The following ZNF618 variants were observed in gnomAD, a reference collection of about 807,000 sequenced individuals.
ZNF618 encodes the protein zinc finger protein 618, also known as neural precursor cell expressed, developmentally down-regulated 10.
ZNF618 carries 34 observed loss-of-function variants against 103.0 expected under a neutral mutation model. That is an observed-to-expected ratio of 0.33 (90% CI 0.25 to 0.44). The LOEUF is 0.44. Among genes scored for constraint, ZNF618 ranks in the 20% least tolerant of loss-of-function variants. The pLI, the probability that ZNF618 is intolerant of heterozygous loss-of-function variation, is 1.00. For synonymous variants in ZNF618, 551 were observed against 542.2 expected (o/e 1.02, Z -0.23); for missense variants, 1,059 against 1,295.4 (o/e 0.82, Z 2.80).
At chr9:113,935,645 C>T (rs1464697573) in intron 1 of ZNF618, among the ~76,000 whole-genome samples, 4 of 152,160 alleles carry the variant, frequency 2.6e-5, no homozygotes, top group Non-Finnish European at 5.9e-5. Context: ...GTGAAGCCTC[C>T]TTACCTCTAC....
At chr9:113,931,196 C>T (rs1833550862) in intron 1 of ZNF618, among the ~76,000 whole-genome samples, 2 of 152,184 alleles carry the variant, frequency 1.3e-5, no homozygotes, top group South Asian at 4.1e-4. Flanking sequence ...GCCAAGGAGC[C>T]ACCTTCTGTC....
Position 113,915,259 on chromosome 9 carries a change from C to T in ZNF618, c.33+38846C>T, listed in dbSNP as rs1003584046. The stretch of plus-strand genomic sequence containing the variant: ...CCAGGTGTCACTCAAAGCTTCTGCC[C>T]TGCCTGTCGTATGGTGGACCTCAGC... On this transcript the variant is annotated intron_variant, in intron 1 of 14. Transcript: ENST00000374126. Among the ~76,000 whole-genome samples the T allele has an allele frequency of 2.6e-5, 4 of 152,184 alleles. No individual in the cohort carries two copies. The South Asian group carries it at 8.3e-4, about 32-fold the overall frequency.
chr9:114,022,471 A>G (rs969300363), intron 10 of ZNF618, among the ~76,000 whole-genome samples: 2 of 151,928 alleles, frequency 1.3e-5, no homozygotes, highest in Non-Finnish European at 2.9e-5. Context: ...TTTTGTTGCT[A>G]TTGACTTCTA....
At chr9:113,998,381 T>C (rs1290581012) in intron 4 of ZNF618, 27 bp downstream of exon 4, 2 of 1,541,686 alleles carry the variant, frequency 1.3e-6, no homozygotes, top group Non-Finnish European at 1.8e-6. Flanking sequence ...GGGTAGTGCC[T>C]GATCCGGGGC....
intron 3 of ZNF618, among the ~76,000 whole-genome samples, chr9:113,995,804 TG>T (rs1434312149): frequency 6.6e-6 from 1 of 152,136 alleles, no homozygotes; most frequent in African/African-American, 2.4e-5. Context: ...ACACCAGTAT[TG>T]TAGGGTCACC....
chr9:113,923,833 T>G (rs1439193241), intron 1 of ZNF618, among the ~76,000 whole-genome samples: 1 of 152,088 alleles, frequency 6.6e-6, no homozygotes, highest in Admixed American at 6.5e-5. Flanking sequence ...GATTTCAGAC[T>G]TCTTTTCAGA....
chr9:113,984,206 T>C (rs1310750251), intron 2 of ZNF618, among the ~76,000 whole-genome samples: 1 of 151,986 alleles, frequency 6.6e-6, no homozygotes, highest in African/African-American at 2.4e-5. Flanking sequence ...TCAAGATGAG[T>C]TCATTAGGAC....
rs1386720437 is a variant in ZNF618 at position 114,056,302 on chromosome 9, T to G, written c.*6135T>G. 1 of 152,202 alleles carries G rather than the reference T, an allele frequency of 6.6e-6. No individual in the cohort carries two copies. Among genetic ancestry groups the G allele is most frequent in the Non-Finnish European group, 1.5e-5 (1 of 68,038 alleles). The allele number at this position is 152,202 out of a possible 1,614,324, so 9.4% of individuals were successfully genotyped here. Reference sequence around the variant, plus strand: ...AGAAAAAAAGATTTTTACAAAGTAATAAAATTTAAAACTGAGCTGTTTAAT... The same window carrying G: ...AGAAAAAAAGATTTTTACAAAGTAAGAAAATTTAAAACTGAGCTGTTTAAT... On this transcript the variant is annotated 3_prime_UTR_variant, in exon 15 of 15. Coordinates refer to ENST00000374126, the MANE Select transcript of ZNF618 (RefSeq NM_001318042.2).
Position 113,889,350 on chromosome 9 carries a change from T to TCTCTCTCTCTCTCTCTCC in ZNF618, c.33+12940_33+12941insTCTCTCTCTCTCTCCCTC, listed in dbSNP as rs1191014933. The stretch of plus-strand genomic sequence containing the variant: ...CTCTCTCTCTCTCTCTCTCTCTTTC[T>TCTCTCTCTCTCTCTCTCC]CTCCCTCCCTCTCCATGTGTGGTCT... On this transcript the variant is annotated intron_variant, in intron 1 of 14. Transcript: ENST00000374126. Among the ~76,000 whole-genome samples the TCTCTCTCTCTCTCTCTCC allele has an allele frequency of 5.4e-5, 8 of 148,350 alleles. No individual in the cohort carries two copies. The East Asian group carries it at 7.2e-4, about 13-fold the overall frequency.
intron 1 of ZNF618, among the ~76,000 whole-genome samples, chr9:113,964,983 TTTTTGC>T (rs1837244703): frequency 6.6e-6 from 1 of 150,676 alleles, no homozygotes; most frequent in Non-Finnish European, 1.5e-5. Context: ...TTTTTTTTTT[TTTTTGC>T]TTCATTCTGA....
chr9:114,029,508 G>C (rs577029074), intron 11 of ZNF618, among the ~76,000 whole-genome samples: 1 of 152,234 alleles, frequency 6.6e-6, no homozygotes, highest in East Asian at 1.9e-4. Flanking sequence ...CCATGTGGCA[G>C]GTGTCATTTC....
intron 1 of ZNF618, among the ~76,000 whole-genome samples, chr9:113,931,872 T>C (rs970449387): frequency 6.6e-6 from 1 of 152,250 alleles, no homozygotes; most frequent in African/African-American, 2.4e-5. Context: ...ATTGCATATG[T>C]GGCTCATATT....
chr9:114,044,789 TTTG>T (rs1049681891), intron 13 of ZNF618, among the ~76,000 whole-genome samples: 2 of 152,120 alleles, frequency 1.3e-5, no homozygotes, highest in African/African-American at 4.8e-5. Flanking sequence ...AGTTGTTTTT[TTTG>T]TTTGTTTTTT....
intron 13 of ZNF618, among the ~76,000 whole-genome samples, chr9:114,038,103 G>T (rs188042372): frequency 6.6e-6 from 1 of 152,170 alleles, no homozygotes; most frequent in African/African-American, 2.4e-5. Context: ...CAGGATCCTC[G>T]GGCTAGGGAC....
intron 1 of ZNF618, among the ~76,000 whole-genome samples, chr9:113,897,440 C>G (rs965876286): frequency 6.6e-6 from 1 of 152,130 alleles, no homozygotes; most frequent in African/African-American, 2.4e-5. Flanking sequence ...CTTTTTTCAC[C>G]CTTGAAATTT....
intron 1 of ZNF618, among the ~76,000 whole-genome samples, chr9:113,933,866 G>T (rs1334133195): frequency 6.6e-6 from 1 of 152,064 alleles, no homozygotes; most frequent in African/African-American, 2.4e-5. Flanking sequence ...CAGGGCAAGG[G>T]TGACAGGGTG....
At chr9:113,913,625 G>A (rs183106742) in intron 1 of ZNF618, among the ~76,000 whole-genome samples, 1 of 151,652 alleles carries the variant, frequency 6.6e-6, no homozygotes, top group African/African-American at 2.4e-5. Context: ...CCAGGCTTGG[G>A]AACTTGGCAG....
intron 9 of ZNF618, among the ~76,000 whole-genome samples, chr9:114,014,365 A>C (rs1269639201): frequency 1.3e-5 from 2 of 152,238 alleles, no homozygotes; most frequent in Non-Finnish European, 2.9e-5. Flanking sequence ...TTCCAGAACT[A>C]GATTAAATTC....
rs1189665700 is a variant in ZNF618 at position 113,998,254 on chromosome 9, T to A, written c.338-5T>A. 14 of 1,550,320 alleles carry A rather than the reference T, an allele frequency of 9.0e-6. No individual in the cohort carries two copies. The highest frequency in any genetic ancestry group is 8.7e-6 in the Non-Finnish European group (10 of 1,146,748). Reference sequence around the variant, plus strand: ...GGGCTCTTTCTGATTTCTTACGTAATTCAGATGGAAAAGCGCCCGAAGGCA... The same window carrying A: ...GGGCTCTTTCTGATTTCTTACGTAAATCAGATGGAAAAGCGCCCGAAGGCA... On this transcript the variant is annotated splice_region_variant and splice_polypyrimidine_tract_variant and intron_variant, in intron 3 of 14. Coordinates refer to ENST00000374126, the MANE Select transcript of ZNF618 (RefSeq NM_001318042.2).
Sources: gnomAD v4.1 joint callset for allele counts (sites outside exome capture counted in the v4.1 genomes callset) on GRCh38, gnomAD v4.1.1 for gene constraint, MANE v1.5 for transcripts, NCBI Gene and HGNC (gene_info 2026-07-23, HGNC 2026-07-21) for gene names.